Variants in TIAM1 observed in about 807,000 individuals in gnomAD.
The protein encoded by TIAM1 is rho guanine nucleotide exchange factor TIAM1.
A neutral mutation model predicts 163.5 loss-of-function variants in TIAM1; 65 were observed. The observed-to-expected ratio is 0.40, with a 90% confidence interval of 0.33 to 0.49. TIAM1 has a LOEUF of 0.49. Among genes scored for constraint, TIAM1 ranks in the 20% least tolerant of loss-of-function variants. The pLI is 0.77. For synonymous variants in TIAM1, 833 were observed against 810.1 expected, an observed-to-expected ratio of 1.03 and a Z score of -0.48; for missense variants, 1,789 against 2,044.7, an observed-to-expected ratio of 0.87 and a Z score of 2.41.
chr21:31,129,100 T>G (rs1378919915), intron 25 of TIAM1, among the ~76,000 whole-genome samples: 1 of 152,214 alleles, frequency 6.6e-6, no homozygotes, highest in East Asian at 1.9e-4. Context: ...GCACCTGCTG[T>G]CCAAGTGGGA....
intron 1 of TIAM1, among the ~76,000 whole-genome samples, chr21:31,466,414 A>G (rs2045534013): frequency 6.6e-6 from 1 of 151,200 alleles, no homozygotes; most frequent in Non-Finnish European, 1.5e-5. Flanking sequence ...AATAAAGGAT[A>G]TCTCTCTAAA....
In TIAM1 at chr21:31,127,899, G is replaced by A. The variant is rs117734693; in HGVS notation, c.4046-747C>T. On this transcript the variant is annotated intron_variant, in intron 25 of 27. Transcript: ENST00000541036. Reference sequence around the variant, plus strand: ...AAGGGAGGCTTCCCCCAGGTGGCTGGGCCTAAAGCCCTGGAGACCTAATTG... The same window carrying A: ...AAGGGAGGCTTCCCCCAGGTGGCTGAGCCTAAAGCCCTGGAGACCTAATTG... Among the ~76,000 whole-genome samples the A allele has an allele frequency of 3.6e-3, 550 of 152,240 alleles. 2 individuals carry two copies. Among genetic ancestry groups the A allele is most frequent in the Middle Eastern group, 0.024 (7 of 294 alleles).
At chr21:31,309,445 G>A (rs565988982) in intron 2 of TIAM1, among the ~76,000 whole-genome samples, 3 of 152,264 alleles carry the variant, frequency 2.0e-5, no homozygotes, top group South Asian at 2.1e-4. Context: ...GCGACAGAGT[G>A]AGACTCCGTC....
intron 2 of TIAM1, among the ~76,000 whole-genome samples, chr21:31,361,277 T>C (rs141999601): frequency 9.8e-5 from 15 of 152,302 alleles, no homozygotes; most frequent in Non-Finnish European, 1.6e-4. Context: ...TCCACTGATA[T>C]ACAGTTCAAA....
At chr21:31,508,833 C>G (rs145154352) in intron 1 of TIAM1, among the ~76,000 whole-genome samples, 1 of 152,204 alleles carries the variant, frequency 6.6e-6, no homozygotes, top group African/African-American at 2.4e-5. Context: ...GAGTCTTTTT[C>G]AAGCTAGCCC....
chr21:31,242,321 A>G (rs1193698113), intron 6 of TIAM1, among the ~76,000 whole-genome samples: 1 of 151,988 alleles, frequency 6.6e-6, no homozygotes, highest in Non-Finnish European at 1.5e-5. Flanking sequence ...GGGGTTTGAG[A>G]CCACCCTGGG....
intron 27 of TIAM1, among the ~76,000 whole-genome samples, chr21:31,121,906 A>G (rs1034316861): frequency 1.3e-5 from 2 of 152,204 alleles, no homozygotes; most frequent in Non-Finnish European, 2.9e-5. Context: ...AGACACGAAA[A>G]GGTGAAATGC....
intron 2 of TIAM1, among the ~76,000 whole-genome samples, chr21:31,301,950 AATGTGTGTGTATAT>A (rs1236183206): frequency 6.7e-6 from 1 of 150,328 alleles, no homozygotes; most frequent in Non-Finnish European, 1.5e-5. Context: ...ACATATATAA[AATGTGTGTGTATAT>A]ATGTGTGCGT....
At chr21:31,338,817 T>C (rs1055271249) in intron 2 of TIAM1, among the ~76,000 whole-genome samples, 2 of 152,142 alleles carry the variant, frequency 1.3e-5, no homozygotes, top group African/African-American at 4.8e-5. Context: ...CACTTAGCAG[T>C]TTACATCAAT....
In TIAM1 at chr21:31,181,754, TTC is replaced by T. The variant is rs2146436895; in HGVS notation, c.2887+665_2887+666del. Reference sequence around the variant, plus strand: ...TTCCCAGCACTTCTTCTTCTTCTTCTTCTTTTTTTTTTTTTTTTTTTTTTTTT... The same window carrying T: ...TTCCCAGCACTTCTTCTTCTTCTTCTTTTTTTTTTTTTTTTTTTTTTTTTT... On this transcript the variant is annotated intron_variant, in intron 15 of 27. Transcript: ENST00000541036. Among the ~76,000 whole-genome samples, 4 of 111,220 alleles carry T rather than the reference TTC, an allele frequency of 3.6e-5. 1 individual carries two copies. Among genetic ancestry groups the T allele is most frequent in the African/African-American group, 1.2e-4 (3 of 25,128 alleles). The allele number at this position is 111,220 out of a possible 152,430, so 73.0% of individuals were successfully genotyped here. A position where few individuals can be genotyped will look rare whatever the true frequency, so the allele number is the denominator to read the frequency against.
intron 3 of TIAM1, among the ~76,000 whole-genome samples, chr21:31,271,257 G>GGAAT (rs1158640918): frequency 2.0e-5 from 3 of 151,652 alleles, no homozygotes; most frequent in Non-Finnish European, 2.9e-5. Flanking sequence ...AAAAAATACT[G>GGAAT]GAATGAATGA....
chr21:31,232,178 C>A (rs953455568), intron 6 of TIAM1, among the ~76,000 whole-genome samples: 1 of 151,536 alleles, frequency 6.6e-6, no homozygotes, highest in Non-Finnish European at 1.5e-5. Flanking sequence ...AAAAGCATAA[C>A]AATCCCCAAA....
intron 12 of TIAM1, 56 bp downstream of exon 12, chr21:31,202,852 C>G (rs190146561): frequency 6.7e-7 from 1 of 1,487,164 alleles, no homozygotes; most frequent in Admixed American, 1.7e-5. Flanking sequence ...CGAGAACACT[C>G]ATAATTTGAA....
intron 1 of TIAM1, among the ~76,000 whole-genome samples, chr21:31,478,605 G>T (rs1348338953): frequency 6.6e-6 from 1 of 152,124 alleles, no homozygotes; most frequent in Non-Finnish European, 1.5e-5. Context: ...TCAAAATAAA[G>T]CTTCTTTTTG....
chr21:31,131,880 C>A (rs1002391949), intron 23 of TIAM1, among the ~76,000 whole-genome samples: 2 of 152,254 alleles, frequency 1.3e-5, no homozygotes, highest in South Asian at 2.1e-4. Context: ...ATGCCTTGAC[C>A]CTTTCGCCAT....
At chr21:31,504,719 G>A (rs952615467) in intron 1 of TIAM1, among the ~76,000 whole-genome samples, 55 of 152,196 alleles carry the variant, frequency 3.6e-4, no homozygotes, top group African/African-American at 1.2e-4. Context: ...TTTTTTCTAC[G>A]TTCAGATCCC....
Position 31,468,199 on chromosome 21 carries a change from C to T in TIAM1, c.-421-4164G>A, listed in dbSNP as rs139730885. Reference sequence around the variant, plus strand: ...TTTAAGAATCCAGAAGGGTTGGTCACACACAGTGGCTCACGCATGTAATCC... The same window carrying T: ...TTTAAGAATCCAGAAGGGTTGGTCATACACAGTGGCTCACGCATGTAATCC... On this transcript the variant is annotated intron_variant, in intron 1 of 28. Coordinates refer to the TIAM1 transcript ENST00000286827. 9.9e-5 allele frequency among the ~76,000 whole-genome samples: 15 copies of T among 151,882 alleles called. No individual in the cohort carries two copies. The South Asian group carries it at 2.7e-3, about 27-fold the overall frequency.
intron 16 of TIAM1, among the ~76,000 whole-genome samples, chr21:31,156,488 A>C (rs929429184): frequency 2.0e-5 from 3 of 152,232 alleles, no homozygotes; most frequent in Non-Finnish European, 4.4e-5. Flanking sequence ...TAGAAAAGAA[A>C]AACTGTGTTT....
chr21:31,155,945 C>T (rs1279989226), intron 16 of TIAM1, among the ~76,000 whole-genome samples: 2 of 152,224 alleles, frequency 1.3e-5, no homozygotes, highest in Non-Finnish European at 2.9e-5. Flanking sequence ...ACCTACCTAG[C>T]AAGAACATGA....
Sources: gnomAD v4.1 joint callset for allele counts (sites outside exome capture counted in the v4.1 genomes callset) on GRCh38, gnomAD v4.1.1 for gene constraint, MANE v1.5 for transcripts, NCBI Gene and HGNC (gene_info 2026-07-23, HGNC 2026-07-21) for gene names.